Variants in ZNRF2 observed in about 807,000 individuals in gnomAD.
The protein encoded by ZNRF2 is zinc and ring finger 2.
Under a neutral mutation model 20.4 loss-of-function variants are expected in ZNRF2, and 16 were observed. The ratio of observed to expected loss-of-function variants is 0.79; its 90% CI spans 0.53 to 1.19. The LOEUF is 1.19. Ranked by LOEUF, ZNRF2 falls within the 50% of genes most tolerant of loss-of-function variation. The pLI, the probability that ZNRF2 is intolerant of heterozygous loss-of-function variation, is 0.00. For synonymous variants in ZNRF2, 178 were observed against 144.9 expected (o/e 1.23, Z -1.64); for missense variants, 363 against 332.4 (o/e 1.09, Z -0.72).
chr7:30,308,467 G>T (rs1253011724), intron 1 of ZNRF2, among the ~76,000 whole-genome samples: 2 of 152,176 alleles, frequency 1.3e-5, no homozygotes, highest in Non-Finnish European at 2.9e-5. Flanking sequence ...TGTCATCTGT[G>T]TGAGCTTGGG....
chr7:30,336,270 AT>A (rs1037638475), intron 2 of ZNRF2, among the ~76,000 whole-genome samples: 34 of 152,130 alleles, frequency 2.2e-4, no homozygotes, highest in African/African-American at 8.0e-4. Context: ...CATTGCCCTG[AT>A]TATCCGTAGC....
At chr7:30,346,728 A>G (rs1372427191) in intron 2 of ZNRF2, among the ~76,000 whole-genome samples, 7 of 151,912 alleles carry the variant, frequency 4.6e-5, no homozygotes, top group Non-Finnish European at 1.0e-4. Context: ...TTGAGACTTC[A>G]TGAGCCCTTT....
At chr7:30,293,987 G>A (rs1235365977) in intron 1 of ZNRF2, among the ~76,000 whole-genome samples, 1 of 151,936 alleles carries the variant, frequency 6.6e-6, no homozygotes, top group Non-Finnish European at 1.5e-5. Flanking sequence ...CATACATAAT[G>A]GGTTATTTAT....
chr7:30,323,598 A>G (rs1224880169), intron 1 of ZNRF2, 44 bp from the exon 2 acceptor site: 2 of 1,270,020 alleles, frequency 1.6e-6, no homozygotes, highest in Non-Finnish European at 2.2e-6. Flanking sequence ...CCATAGCTGG[A>G]TATTCAGAAT....
chr7:30,347,242 G>GA (rs1468417912), intron 2 of ZNRF2, among the ~76,000 whole-genome samples: 1 of 151,952 alleles, frequency 6.6e-6, no homozygotes, highest in Non-Finnish European at 1.5e-5. Context: ...TTCTCAAATA[G>GA]AAAAAAATAG....
At chr7:30,322,219 A>C (rs991492228) in intron 1 of ZNRF2, among the ~76,000 whole-genome samples, 2 of 152,190 alleles carry the variant, frequency 1.3e-5, no homozygotes, top group African/African-American at 4.8e-5. Flanking sequence ...ACAGTTTGAA[A>C]AACATTGTAC....
chr7:30,320,750 G>T (rs988057645), intron 1 of ZNRF2, among the ~76,000 whole-genome samples: 3 of 152,122 alleles, frequency 2.0e-5, no homozygotes, highest in Admixed American at 2.0e-4. Flanking sequence ...AGGAGCATTT[G>T]TATATTAAGG....
At chr7:30,304,612 G>A (rs1365656045) in intron 1 of ZNRF2, among the ~76,000 whole-genome samples, 1 of 152,158 alleles carries the variant, frequency 6.6e-6, no homozygotes, top group Non-Finnish European at 1.5e-5. Context: ...ATTTTTCTGT[G>A]ATAAAACTAC....
chr7:30,357,099 A>G (rs1447661457), intron 3 of ZNRF2, among the ~76,000 whole-genome samples: 1 of 152,224 alleles, frequency 6.6e-6, no homozygotes, highest in East Asian at 1.9e-4. Flanking sequence ...GTCAAGCCAC[A>G]TACACAAAAA....
At chr7:30,306,001 T>C (rs1799197243) in intron 1 of ZNRF2, among the ~76,000 whole-genome samples, 1 of 152,202 alleles carries the variant, frequency 6.6e-6, no homozygotes, top group Non-Finnish European at 1.5e-5. Flanking sequence ...AGCTGGGCCT[T>C]TGGGGCTTTG....
chr7:30,359,332 T>TA (rs1198966310), intron 3 of ZNRF2, among the ~76,000 whole-genome samples: 1 of 152,170 alleles, frequency 6.6e-6, no homozygotes, highest in Non-Finnish European at 1.5e-5. Context: ...AGCAAAAAAG[T>TA]AAAAAACTAG....
chr7:30,325,975 TTAAA>T (rs1280987649), intron 2 of ZNRF2, among the ~76,000 whole-genome samples: 1 of 152,188 alleles, frequency 6.6e-6, no homozygotes, highest in Non-Finnish European at 1.5e-5. Context: ...ATGAGTGCCT[TTAAA>T]TATCCATAAA....
chr7:30,320,583 C>T (rs890554201), intron 1 of ZNRF2, among the ~76,000 whole-genome samples: 1 of 152,030 alleles, frequency 6.6e-6, no homozygotes, highest in African/African-American at 2.4e-5. Context: ...TAATGAAACT[C>T]GGTGGTGCTG....
chr7:30,305,137 C>G (rs2128058655), intron 1 of ZNRF2, among the ~76,000 whole-genome samples: 1 of 152,226 alleles, frequency 6.6e-6, no homozygotes, highest in Non-Finnish European at 1.5e-5. Context: ...AATGATACCA[C>G]TTTGGTGACT....
chr7:30,360,563 G>T (rs188877656), intron 3 of ZNRF2, among the ~76,000 whole-genome samples: 5 of 152,066 alleles, frequency 3.3e-5, no homozygotes, highest in Admixed American at 2.6e-4. Context: ...GTGGCAGGTG[G>T]CGCCTGTAAT....
chr7:30,313,642 TAGTC>T (rs1799323662), intron 1 of ZNRF2, among the ~76,000 whole-genome samples: 1 of 152,182 alleles, frequency 6.6e-6, no homozygotes, highest in Non-Finnish European at 1.5e-5. Context: ...TTTGCATACT[TAGTC>T]AGATTTCTAG....
chr7:30,299,999 T>C (rs1478840280), intron 1 of ZNRF2, among the ~76,000 whole-genome samples: 1 of 151,996 alleles, frequency 6.6e-6, no homozygotes, highest in African/African-American at 2.4e-5. Flanking sequence ...TTAGCCAGGA[T>C]GGTCTTGATC....
chr7:30,313,168 G>A (rs929356066), intron 1 of ZNRF2, among the ~76,000 whole-genome samples: 1 of 152,154 alleles, frequency 6.6e-6, no homozygotes, highest in Non-Finnish European at 1.5e-5. Context: ...ATTATTCTGG[G>A]ACATTGAGCT....
At chr7:30,303,664 A>G (rs1233396780) in intron 1 of ZNRF2, among the ~76,000 whole-genome samples, 1 of 152,164 alleles carries the variant, frequency 6.6e-6, no homozygotes, top group Non-Finnish European at 1.5e-5. Context: ...ATCACAGAGT[A>G]TGGGCTGGGT....
Sources: allele counts gnomAD v4.1 joint callset (sites outside exome capture counted in the v4.1 genomes callset), GRCh38; gene constraint gnomAD v4.1.1; transcripts MANE v1.5; gene names NCBI Gene and HGNC (gene_info 2026-07-23, HGNC 2026-07-21).